The following USH2A variants were observed in gnomAD, a reference collection of about 807,000 sequenced individuals.
The protein encoded by USH2A is usherin.
USH2A carries 443 observed loss-of-function variants against 538.9 expected under a neutral mutation model. The ratio of observed to expected loss-of-function variants is 0.82; its 90% CI spans 0.76 to 0.89. The LOEUF (loss-of-function observed/expected upper bound fraction) is 0.89, where lower values mean the gene tolerates loss of function less well. Ranked by LOEUF, USH2A falls within the 40% of genes least tolerant of loss-of-function variation. The pLI is 0.00. For synonymous variants in USH2A, 2,413 were observed against 2,273.5 expected (o/e 1.06, Z -1.75); for missense variants, 6,633 against 6,324.8 (o/e 1.05, Z -1.65).
At chr1:215,978,601 T>C (rs554890200) in intron 35 of USH2A, among the ~76,000 whole-genome samples, 1 of 152,280 alleles carries the variant, frequency 6.6e-6, no homozygotes, top group Non-Finnish European at 1.5e-5. Flanking sequence ...AACATAGGTA[T>C]AATTAAATAA....
chr1:215,659,157 G>T (rs1270859450), intron 64 of USH2A, among the ~76,000 whole-genome samples: 1 of 152,170 alleles, frequency 6.6e-6, no homozygotes, highest in African/African-American at 2.4e-5. Flanking sequence ...GAGATTGTAG[G>T]GTGATATACA....
chr1:215,742,473 A>T (rs1660334058), intron 59 of USH2A, among the ~76,000 whole-genome samples: 1 of 148,120 alleles, frequency 6.8e-6, no homozygotes, highest in South Asian at 2.2e-4. Context: ...GTTATATATG[A>T]TATACACATA....
At chr1:215,901,070 C>T in intron 38 of USH2A, 165 bp from the exon 39 acceptor site, 1 of 836,390 alleles carries the variant, frequency 1.2e-6, no homozygotes, top group South Asian at 1.6e-5. Context: ...TCCTGTACTT[C>T]CTTATTGTTC....
At chr1:216,230,477 GTAT>G (rs1354402830) in intron 14 of USH2A, among the ~76,000 whole-genome samples, 1 of 152,116 alleles carries the variant, frequency 6.6e-6, no homozygotes, top group African/African-American at 2.4e-5. Context: ...ATATATGCAT[GTAT>G]GTCAAGAAAA....
At position 215,863,895 on chromosome 1, in the gene USH2A, A is replaced by G. The variant is rs184784076; in HGVS notation, c.8845+3112T>C. ...AGCAAGACCAGGAGGATTATATGAT[A>G]CAAGATATGAACATCTGAAGGTTGG... On this transcript the variant is annotated intron_variant, in intron 44 of 71. Coordinates refer to ENST00000307340, the MANE Select transcript of USH2A (RefSeq NM_206933.4). Among the ~76,000 whole-genome samples, 103 of 152,310 alleles carry G rather than the reference A, an allele frequency of 6.8e-4. 2 individuals are homozygous for G. In the East Asian group the frequency reaches 0.016, roughly 24 times the overall value.
intron 22 of USH2A, among the ~76,000 whole-genome samples, chr1:216,094,098 A>T (rs2032379565): frequency 6.6e-6 from 1 of 152,156 alleles, no homozygotes; most frequent in Non-Finnish European, 1.5e-5. Flanking sequence ...ATATCTCCAG[A>T]TACTAACAGG....
chr1:216,389,500 T>C (rs963294423), intron 3 of USH2A, among the ~76,000 whole-genome samples: 4 of 152,180 alleles, frequency 2.6e-5, no homozygotes, highest in African/African-American at 9.6e-5. Context: ...ATTTTTCTAA[T>C]TAAAATAAAA....
At chr1:215,917,137 G>T (rs1248990197) in intron 38 of USH2A, among the ~76,000 whole-genome samples, 1 of 152,034 alleles carries the variant, frequency 6.6e-6, no homozygotes, top group Non-Finnish European at 1.5e-5. Context: ...ATGCCCAGAA[G>T]AATTTTTTTT....
rs111033272 is a variant in USH2A, at chr1:216,325,499, G to A, written c.949C>T (p.Arg317Trp). The part of the protein sequence containing the change: ...SHPRVHPLAQ[R>W]YCIPNDAGDT... ...CCTGCATCATTAGGAATGCAGTACC[G>A]CTGTGCCAAAGGGTGGACCCGCGGG... The change falls in exon 6 of 72, where the codon CGG (arginine) becomes TGG (tryptophan). Residue 317 changes from arginine (R) to tryptophan (W), a missense_variant. Physicochemically the swap from Arg to Trp is moderately radical, Grantham distance 101. Coordinates refer to ENST00000307340, the MANE Select transcript of USH2A (RefSeq NM_206933.4). The A allele has an allele frequency of 5.0e-6, 8 of 1,613,720 alleles. No individual in the cohort carries two copies. The highest frequency in any genetic ancestry group is 6.8e-6 in the Non-Finnish European group (8 of 1,179,902).
chr1:215,627,485 T>TTTCCTTCCTTCC (rs1462172191), intron 71 of USH2A, among the ~76,000 whole-genome samples: 2 of 94,584 alleles, frequency 2.1e-5, no homozygotes, highest in African/African-American at 4.1e-5. Context: ...TCCTTCCTTC[T>TTTCCTTCCTTCC]TTCCTTCCTT....
intron 44 of USH2A, 96 bp from the exon 45 acceptor site, chr1:215,846,129 A>G: frequency 1.7e-6 from 2 of 1,189,832 alleles, no homozygotes; most frequent in South Asian, 2.7e-5. Flanking sequence ...AGAAAAAAAG[A>G]AGTTTAGAGA....
At chr1:215,763,915 T>A (rs1661056783) in intron 56 of USH2A, among the ~76,000 whole-genome samples, 1 of 152,116 alleles carries the variant, frequency 6.6e-6, no homozygotes, top group Admixed American at 6.6e-5. Flanking sequence ...TAAAAAATTA[T>A]GTATTACATA....
At chr1:215,990,715 C>T (rs1667983082) in intron 35 of USH2A, among the ~76,000 whole-genome samples, 2 of 150,070 alleles carry the variant, frequency 1.3e-5, no homozygotes, top group Non-Finnish European at 3.0e-5. Flanking sequence ...TGTATTTCTA[C>T]AGGTAAGGAC....
chr1:215,705,475 C>T (rs891737444), intron 61 of USH2A, among the ~76,000 whole-genome samples: 1 of 152,248 alleles, frequency 6.6e-6, no homozygotes, highest in Non-Finnish European at 1.5e-5. Flanking sequence ...TATGTAACAA[C>T]TGCCATCTAC....
intron 37 of USH2A, among the ~76,000 whole-genome samples, chr1:215,949,281 A>G (rs76456278): frequency 1.0e-3 from 154 of 152,200 alleles, no homozygotes; most frequent in African/African-American, 3.2e-3. Flanking sequence ...ACTTTAATGG[A>G]GATACAAGCT....
chr1:216,159,775 G>T (rs2034018117), intron 21 of USH2A, among the ~76,000 whole-genome samples: 1 of 151,738 alleles, frequency 6.6e-6, no homozygotes, highest in South Asian at 2.1e-4. Flanking sequence ...CCACCAATCG[G>T]GCCACCTTCC....
At chr1:216,313,017 G>C (rs906398260) in intron 9 of USH2A, among the ~76,000 whole-genome samples, 1 of 152,074 alleles carries the variant, frequency 6.6e-6, no homozygotes, top group Non-Finnish European at 1.5e-5. Context: ...ACCAGGGATC[G>C]GTTTTGTGGA....
At chr1:215,769,683 G>A (rs1407055578) in intron 55 of USH2A, among the ~76,000 whole-genome samples, 4 of 152,126 alleles carry the variant, frequency 2.6e-5, no homozygotes, top group African/African-American at 9.7e-5. Context: ...CTGGTGGAAG[G>A]AATTTGCTTC....
chr1:215,635,919 C>T (rs907034859), intron 69 of USH2A, among the ~76,000 whole-genome samples: 4 of 143,964 alleles, frequency 2.8e-5, no homozygotes, highest in African/African-American at 7.8e-5. Flanking sequence ...GCAGGATAGG[C>T]GAAGGCAGTG....
Sources: allele counts gnomAD v4.1 joint callset (sites outside exome capture counted in the v4.1 genomes callset), GRCh38; gene constraint gnomAD v4.1.1; transcripts MANE v1.5; gene names NCBI Gene and HGNC (gene_info 2026-07-23, HGNC 2026-07-21).